LCP1: variants seen among roughly 807,000 people sequenced by gnomAD.
LCP1 encodes plastin-2.
A neutral mutation model predicts 72.0 loss-of-function variants in LCP1; 23 were observed. The ratio of observed to expected loss-of-function variants is 0.32; its 90% CI spans 0.23 to 0.45. The LOEUF is 0.45. LCP1 is among the 20% of genes least tolerant of loss of function. LCP1 has a pLI of 1.00. For synonymous variants in LCP1, 245 were observed against 275.4 expected, an observed-to-expected ratio of 0.89 and a Z score of 1.09; for missense variants, 571 against 748.3, an observed-to-expected ratio of 0.76 and a Z score of 2.76.
At chr13:46,167,904 A>G (rs1010726783) in intron 1 of LCP1, among the ~76,000 whole-genome samples, 2 of 152,254 alleles carry the variant, frequency 1.3e-5, no homozygotes, top group African/African-American at 4.8e-5. Flanking sequence ...TAATGCAATG[A>G]AAAGAGTTCT....
At chr13:46,142,236 A>C (rs1472193351) in intron 13 of LCP1, 56 bp downstream of exon 13, 13 of 1,564,362 alleles carry the variant, frequency 8.3e-6, no homozygotes, top group Non-Finnish European at 1.1e-5. Flanking sequence ...ATTTGCTAAT[A>C]TTTGTCTAAG....
At chr13:46,166,903 T>G (rs1452976870) in intron 1 of LCP1, among the ~76,000 whole-genome samples, 2 of 152,312 alleles carry the variant, frequency 1.3e-5, no homozygotes, top group East Asian at 3.9e-4. Flanking sequence ...TATGACTAAC[T>G]TTTACATAAA....
intron 4 of LCP1, 61 bp downstream of exon 4, chr13:46,158,461 G>A (rs1311831695): frequency 1.3e-6 from 2 of 1,579,384 alleles, no homozygotes; most frequent in Admixed American, 3.6e-5. Flanking sequence ...CCTTAGGTTT[G>A]AATACCAAGT....
intron 14 of LCP1, among the ~76,000 whole-genome samples, chr13:46,133,443 T>C (rs914861363): frequency 5.3e-5 from 8 of 151,890 alleles, no homozygotes; most frequent in Non-Finnish European, 7.4e-5. Flanking sequence ...CTGGGCCACA[T>C]AGTGAGACCT....
chr13:46,129,854 C>T (rs78043332), intron 15 of LCP1, among the ~76,000 whole-genome samples: 5 of 152,128 alleles, frequency 3.3e-5, no homozygotes, highest in African/African-American at 4.8e-5. Flanking sequence ...GTAGTTAAGA[C>T]GAGGTCATGC....
At chr13:46,135,124 G>GAAAAAAAAAAAAAAAAAAAA (rs554047551) in intron 13 of LCP1, among the ~76,000 whole-genome samples, 1 of 116,400 alleles carries the variant, frequency 8.6e-6, no homozygotes, top group Non-Finnish European at 1.7e-5. Context: ...AAAAAAAAAA[G>GAAAAAAAAAAAAAAAAAAAA]AAAAAAAAAA....
intron 1 of LCP1, among the ~76,000 whole-genome samples, chr13:46,166,818 T>G (rs1331934773): frequency 6.6e-6 from 1 of 152,240 alleles, no homozygotes; most frequent in Non-Finnish European, 1.5e-5. Flanking sequence ...AGTAGACCAC[T>G]GTAGGAGATC....
intron 14 of LCP1, among the ~76,000 whole-genome samples, chr13:46,131,342 A>C (rs1452860417): frequency 6.6e-6 from 1 of 152,248 alleles, no homozygotes; most frequent in Non-Finnish European, 1.5e-5. Context: ...ATTACTAAAA[A>C]GTCAAAAAAT....
chr13:46,142,433 A>G lies in LCP1; in HGVS notation c.1369-8T>C. 6.2e-7 allele frequency: 1 copy of G among 1,612,600 alleles called. No homozygotes were observed. Among genetic ancestry groups the G allele is most frequent in the South Asian group, 1.1e-5 (1 of 90,868 alleles). On this transcript the variant is annotated splice_polypyrimidine_tract_variant and splice_region_variant and intron_variant, in intron 12 of 15. Coordinates refer to ENST00000323076, the MANE Select transcript of LCP1 (RefSeq NM_002298.5). Reference sequence around the variant, plus strand: ...GTAGTTACAATTCTCAAGCTGAATGAGCAGAAAGGAAAACGATTTAACGTC... The same window carrying G: ...GTAGTTACAATTCTCAAGCTGAATGGGCAGAAAGGAAAACGATTTAACGTC...
chr13:46,131,873 G>A (rs981571573), intron 14 of LCP1, among the ~76,000 whole-genome samples: 1 of 151,968 alleles, frequency 6.6e-6, no homozygotes, highest in African/African-American at 2.4e-5. Context: ...GGGTGGAAGT[G>A]GGTTAAAGGT....
At chr13:46,144,558 G>GA in intron 10 of LCP1, 38 bp from the exon 11 acceptor site, 1 of 1,469,570 alleles carries the variant, frequency 6.8e-7, no homozygotes, top group South Asian at 1.1e-5. Context: ...TGGGACCGAA[G>GA]AAAACATAGC....
At chr13:46,136,896 C>T (rs557848369) in intron 13 of LCP1, among the ~76,000 whole-genome samples, 3 of 152,278 alleles carry the variant, frequency 2.0e-5, no homozygotes, top group South Asian at 2.1e-4. Context: ...AGTTGCAGCC[C>T]GGCGTTGTCC....
chr13:46,176,386 T>A (rs2045930567), intron 1 of LCP1, among the ~76,000 whole-genome samples: 1 of 152,184 alleles, frequency 6.6e-6, no homozygotes, highest in South Asian at 2.1e-4. Context: ...GAAGCTATAT[T>A]GAATGCACAC....
At chr13:46,159,388 A>G (rs1388966511) in intron 2 of LCP1, 2 of 577,058 alleles carry the variant, frequency 3.5e-6, no homozygotes, top group Non-Finnish European at 6.1e-6. Context: ...AAACTATGTA[A>G]GAGTAGAGTC....
chr13:46,163,349 C>T (rs1315512018), intron 1 of LCP1, among the ~76,000 whole-genome samples: 1 of 152,198 alleles, frequency 6.6e-6, no homozygotes, highest in Admixed American at 6.5e-5. Flanking sequence ...CAACCCCGTG[C>T]TCTCTGAAAC....
chr13:46,133,362 G>A (rs2045644784), intron 14 of LCP1, among the ~76,000 whole-genome samples: 3 of 152,164 alleles, frequency 2.0e-5, no homozygotes, highest in South Asian at 2.1e-4. Flanking sequence ...GGTGGCTCAC[G>A]CCTATAATCC....
intron 3 of LCP1, 30 bp downstream of exon 3, chr13:46,158,796 G>A: frequency 1.2e-6 from 2 of 1,608,002 alleles, no homozygotes; most frequent in Non-Finnish European, 1.7e-6. Context: ...AGTTTCAAAT[G>A]TGTCTCCTTG....
In LCP1 at chr13:46,127,546, C is replaced by G. The variant is rs896969822; in HGVS notation, c.*45G>C. ...TCATCCCTGGAGCATCTGTGCCGGGCAGTCAGGAGTGAGTGCACCGCCTCC... is the reference window on the plus strand; with the variant it reads ...TCATCCCTGGAGCATCTGTGCCGGGGAGTCAGGAGTGAGTGCACCGCCTCC... On this transcript the variant is annotated 3_prime_UTR_variant, in exon 16 of 16. Transcript: ENST00000323076. The G allele has an allele frequency of 1.2e-6, 2 of 1,609,916 alleles. No homozygotes were observed. Among genetic ancestry groups the G allele is most frequent in the African/African-American group, 2.7e-5 (2 of 74,836 alleles).
At chr13:46,136,074 T>TACACAC (rs58984200) in intron 13 of LCP1, among the ~76,000 whole-genome samples, 4,997 of 143,960 alleles carry the variant, frequency 0.035, 109 homozygotes, top group Non-Finnish European at 0.047. Flanking sequence ...CATCGTGTGC[T>TACACAC]ACACACACAC....
Sources: allele counts gnomAD v4.1 joint callset (sites outside exome capture counted in the v4.1 genomes callset), GRCh38; gene constraint gnomAD v4.1.1; transcripts MANE v1.5; gene names NCBI Gene and HGNC (gene_info 2026-07-23, HGNC 2026-07-21).